KIAA1217: variants seen among roughly 807,000 people sequenced by gnomAD.
The protein encoded by KIAA1217 is KIAA1217.
A neutral mutation model predicts 163.9 loss-of-function variants in KIAA1217; 88 were observed. That is an observed-to-expected ratio of 0.54 (90% CI 0.45 to 0.64). The LOEUF is 0.64. Among genes scored for constraint, KIAA1217 ranks in the 30% least tolerant of loss-of-function variants. The probability of loss-of-function intolerance (pLI) is 0.00; values close to 1 mark genes in which losing one functional copy is unlikely to be tolerated. For missense variants in KIAA1217, 2,372 were observed against 2,475.0 expected (o/e 0.96, Z 0.88); for synonymous variants, 903 against 923.1 (o/e 0.98, Z 0.39).
intron 2 of KIAA1217, among the ~76,000 whole-genome samples, chr10:24,282,602 G>A (rs957196395): frequency 2.0e-5 from 3 of 152,074 alleles, no homozygotes; most frequent in African/African-American, 7.2e-5. Context: ...GCCACTGGGA[G>A]CCCTTTCAGT....
At chr10:24,199,058 A>C (rs142854939) in intron 2 of KIAA1217, among the ~76,000 whole-genome samples, 1,881 of 152,186 alleles carry the variant, frequency 0.012, 38 homozygotes, top group African/African-American at 0.042. Context: ...ATTTCTATAA[A>C]AAATTTGTAG....
chr10:24,073,856 C>T (rs72773168), intron 2 of KIAA1217, among the ~76,000 whole-genome samples: 2,806 of 152,156 alleles, frequency 0.018, 43 homozygotes, highest in Non-Finnish European at 0.03. Context: ...AGGTAGGTTC[C>T]CAGTGGGAGG....
At chr10:24,380,301 T>C (rs2053114850) in intron 2 of KIAA1217, among the ~76,000 whole-genome samples, 1 of 152,060 alleles carries the variant, frequency 6.6e-6, no homozygotes, top group Non-Finnish European at 1.5e-5. Context: ...AACTCCCTGT[T>C]CAAAATGCAC....
intron 1 of KIAA1217, among the ~76,000 whole-genome samples, chr10:23,895,885 C>T (rs10082473): frequency 0.23 from 34,445 of 150,412 alleles, 4,058 homozygotes; most frequent in Middle Eastern, 0.32. Context: ...AGTAAACTAT[C>T]GCAAGAACAA....
intron 1 of KIAA1217, among the ~76,000 whole-genome samples, chr10:23,739,390 GT>G (rs1032479314): frequency 1.3e-5 from 2 of 152,126 alleles, no homozygotes; most frequent in South Asian, 4.1e-4. Context: ...ACACAATTTT[GT>G]TTTTTAAAAA....
chr10:23,770,972 C>T (rs888411990), intron 1 of KIAA1217, among the ~76,000 whole-genome samples: 10 of 152,208 alleles, frequency 6.6e-5, no homozygotes, highest in African/African-American at 1.9e-4. Context: ...CCCAACAACA[C>T]TCTTTCTTTC....
intron 1 of KIAA1217, among the ~76,000 whole-genome samples, chr10:23,712,943 T>G (rs1344832826): frequency 2.6e-5 from 4 of 152,154 alleles, no homozygotes; most frequent in Non-Finnish European, 4.4e-5. Flanking sequence ...CTGGTATACC[T>G]GAAGCAGCCA....
chr10:24,214,848 C>T (rs2068609903), intron 1 of KIAA1217, among the ~76,000 whole-genome samples: 1 of 152,184 alleles, frequency 6.6e-6, no homozygotes, highest in Non-Finnish European at 1.5e-5. Context: ...CTCAGGGAAG[C>T]CATCAGCACT....
intron 2 of KIAA1217, among the ~76,000 whole-genome samples, chr10:24,093,654 T>G (rs1024776919): frequency 6.6e-6 from 1 of 151,548 alleles, no homozygotes; most frequent in African/African-American, 2.4e-5. Context: ...TTTTTTAAAT[T>G]TTATTATTAT....
intron 2 of KIAA1217, among the ~76,000 whole-genome samples, chr10:24,230,957 A>G (rs2071323671): frequency 6.6e-6 from 1 of 152,168 alleles, no homozygotes; most frequent in South Asian, 2.1e-4. Flanking sequence ...CTTGCTCTTA[A>G]ATTCTAGATC....
chr10:24,090,061 C>G (rs967201159), intron 2 of KIAA1217, among the ~76,000 whole-genome samples: 1 of 151,506 alleles, frequency 6.6e-6, no homozygotes, highest in African/African-American at 2.4e-5. Context: ...CTCTGATTGT[C>G]TTTCTTGCTC....
rs2074385351 is a variant in KIAA1217, at chr10:24,250,621, TAA to T, written c.354+30713_354+30714del. Reference sequence around the variant, plus strand: ...CTAATTTTTTTTTTTTTTGTATTGTTAATAGAGACGGAGTTTCGCCATGATGG... The same window carrying T: ...CTAATTTTTTTTTTTTTTGTATTGTTTAGAGACGGAGTTTCGCCATGATGG... On this transcript the variant is annotated intron_variant, in intron 2 of 20. Transcript: ENST00000376454. Among the ~76,000 whole-genome samples the T allele has an allele frequency of 1.0e-3, 53 of 50,714 alleles. 2 individuals carry two copies. The highest frequency in any genetic ancestry group is 2.6e-3 in the African/African-American group (30 of 11,414). 33.3% of individuals were successfully genotyped at this position (50,714 alleles called of 152,430 possible).
At chr10:24,018,456 C>T (rs899292817) in intron 2 of KIAA1217, among the ~76,000 whole-genome samples, 1 of 151,794 alleles carries the variant, frequency 6.6e-6, no homozygotes, top group Non-Finnish European at 1.5e-5. Context: ...ATACCTAATG[C>T]TAAATGATGA....
At position 23,937,398 on chromosome 10, in the gene KIAA1217, A is replaced by G. The variant is rs1314623112; in HGVS notation, c.-320-69827A>G. On this transcript the variant is annotated intron_variant, in intron 1 of 18. Coordinates refer to the KIAA1217 transcript ENST00000376462. ...CAGCCTTCTGGTTTACCTGAAACTC[A>G]TTCCTAGAACCAAGGCTCCAAATTC... Among the ~76,000 whole-genome samples, 6 of 152,202 alleles carry G rather than the reference A, an allele frequency of 3.9e-5. No homozygotes were observed. In the South Asian group the frequency reaches 1.0e-3, roughly 26 times the overall value.
intron 8 of KIAA1217, among the ~76,000 whole-genome samples, chr10:24,495,545 G>A (rs1174712339): frequency 2.0e-5 from 3 of 152,188 alleles, no homozygotes; most frequent in Non-Finnish European, 4.4e-5. Flanking sequence ...TAAAAGTGCA[G>A]GATAAATGTT....
intron 1 of KIAA1217, among the ~76,000 whole-genome samples, chr10:23,864,453 CTTTCT>C (rs574675725): frequency 6.6e-6 from 1 of 151,456 alleles, no homozygotes; most frequent in African/African-American, 2.4e-5. Flanking sequence ...TTTTACTGTA[CTTTCT>C]TTTATATTAT....
intron 2 of KIAA1217, among the ~76,000 whole-genome samples, chr10:24,318,423 C>G (rs925239455): frequency 2.6e-5 from 4 of 152,166 alleles, no homozygotes; most frequent in Non-Finnish European, 5.9e-5. Context: ...GGAATTCTGC[C>G]TCTAGACTGT....
intron 1 of KIAA1217, among the ~76,000 whole-genome samples, chr10:23,927,829 GAA>G (rs1213289898): frequency 6.6e-6 from 1 of 152,128 alleles, no homozygotes; most frequent in Non-Finnish European, 1.5e-5. Flanking sequence ...GCTTACTTCT[GAA>G]ACTAGTGCGC....
At chr10:24,334,233 C>CT (rs1268709759) in intron 2 of KIAA1217, among the ~76,000 whole-genome samples, 4 of 152,244 alleles carry the variant, frequency 2.6e-5, no homozygotes, top group African/African-American at 9.6e-5. Context: ...ATGACTTAGT[C>CT]TATTGCAAGA....
Sources: allele counts gnomAD v4.1 joint callset (sites outside exome capture counted in the v4.1 genomes callset), GRCh38; gene constraint gnomAD v4.1.1; transcripts MANE v1.5; gene names NCBI Gene and HGNC (gene_info 2026-07-23, HGNC 2026-07-21).